ZNF808: variants seen among roughly 807,000 people sequenced by gnomAD.
ZNF808 encodes the protein zinc finger protein 808.
A neutral mutation model predicts 8.7 loss-of-function variants in ZNF808; 5 were observed. The ratio of observed to expected loss-of-function variants is 0.58; its 90% CI spans 0.30 to 1.21. The LOEUF (loss-of-function observed/expected upper bound fraction) is 1.21, where lower values mean the gene tolerates loss of function less well. ZNF808 is among the 50% of genes most tolerant of loss of function. The probability of loss-of-function intolerance (pLI) is 0.07; values close to 1 mark genes in which losing one functional copy is unlikely to be tolerated. For synonymous variants in ZNF808, 380 were observed against 366.0 expected, an observed-to-expected ratio of 1.04 and a Z score of -0.44; for missense variants, 1,103 against 1,098.4, an observed-to-expected ratio of 1.00 and a Z score of -0.06.
chr19:52,530,056 A>G (rs1450206910), intron 1 of ZNF808, among the ~76,000 whole-genome samples: 1 of 151,826 alleles, frequency 6.6e-6, no homozygotes, highest in Non-Finnish European at 1.5e-5. Flanking sequence ...CGTCTGGCCT[A>G]CATAGCCCCC....
At chr19:52,549,707 CTTCCT>C (rs1193643454) in intron 4 of ZNF808, among the ~76,000 whole-genome samples, 2 of 152,048 alleles carry the variant, frequency 1.3e-5, no homozygotes, top group African/African-American at 4.8e-5. Context: ...CACCCTTGCC[CTTCCT>C]TTCCTGGCCT....
chr19:52,551,676 A>G (rs1403563151), intron 4 of ZNF808, among the ~76,000 whole-genome samples: 7 of 152,102 alleles, frequency 4.6e-5, no homozygotes, highest in African/African-American at 1.7e-4. Flanking sequence ...GGTATGTGGT[A>G]TGCAATATAA....
In ZNF808 at chr19:52,555,532, G is replaced by C; in HGVS notation, c.2616G>C (p.Glu872Asp). The C allele has an allele frequency of 6.2e-7, 1 of 1,614,102 alleles. No individual in the cohort carries two copies. The change falls in exon 5 of 5, where the codon GAG becomes GAC. Residue 872 changes from glutamate to aspartate, a missense_variant. Coordinates refer to ENST00000359798, the MANE Select transcript of ZNF808 (RefSeq NM_001039886.4). The part of the protein sequence containing the change: ...LKRHRIIHTG[E>D]KPYKCNECGK... ...GACATAGGATAATTCATACTGGAGA[G>C]AAACCTTACAAGTGTAATGAGTGTG...
intron 3 of ZNF808, among the ~76,000 whole-genome samples, chr19:52,547,113 A>C (rs941941336): frequency 6.6e-6 from 1 of 151,942 alleles, no homozygotes; most frequent in African/African-American, 2.4e-5. Context: ...ATGTCCGTCT[A>C]ATTTTTATAT....
intron 3 of ZNF808, among the ~76,000 whole-genome samples, chr19:52,547,285 C>T (rs577430703): frequency 6.6e-6 from 1 of 152,030 alleles, no homozygotes; most frequent in African/African-American, 2.4e-5. Flanking sequence ...TTTATATTGT[C>T]CATAAAATCG....
At chr19:52,550,007 C>T (rs1198100295) in intron 4 of ZNF808, among the ~76,000 whole-genome samples, 1 of 152,116 alleles carries the variant, frequency 6.6e-6, no homozygotes, top group Non-Finnish European at 1.5e-5. Context: ...TTTGTATCCC[C>T]CTTGATGTAC....
downstream of ZNF808, among the ~76,000 whole-genome samples, chr19:52,560,671 T>A (rs2059853341): frequency 6.6e-6 from 1 of 152,182 alleles, no homozygotes; most frequent in African/African-American, 2.4e-5. Flanking sequence ...CTTGCCCATA[T>A]TGTAATTTGC....
At chr19:52,550,651 A>C (rs1403428592) in intron 4 of ZNF808, among the ~76,000 whole-genome samples, 10 of 151,878 alleles carry the variant, frequency 6.6e-5, no homozygotes, top group African/African-American at 1.7e-4. Flanking sequence ...TCAGGCTCCC[A>C]AGTAGCTGGG....
chr19:52,552,707 T>TTC (rs1555767677), intron 4 of ZNF808, among the ~76,000 whole-genome samples: 1 of 151,722 alleles, frequency 6.6e-6, no homozygotes, highest in South Asian at 2.1e-4. Flanking sequence ...TGTGTGGTTT[T>TTC]TTTTTTTTTT....
At chr19:52,566,273 C>A (rs974819243), downstream of ZNF808, among the ~76,000 whole-genome samples, 1 of 152,050 alleles carries the variant, frequency 6.6e-6, no homozygotes, top group Non-Finnish European at 1.5e-5. Context: ...ACTACGGATT[C>A]TCCTGTCTCA....
In ZNF808 at chr19:52,533,842, C is replaced by CA. The variant is rs1568477951; in HGVS notation, c.-20+833_-20+834insA. 6.3e-3 allele frequency among the ~76,000 whole-genome samples: 346 copies of CA among 55,218 alleles called. 2 individuals carry two copies. The highest frequency in any genetic ancestry group is 0.021 in the East Asian group (40 of 1,878). 36.2% of individuals were successfully genotyped at this position (55,218 alleles called of 152,430 possible). ...TGGGTGACAAAGTGAGACTCCGTCT[C>CA]CAAAAAAAAAAAAAAAAAAAAAAAA... On this transcript the variant is annotated intron_variant, in intron 2 of 4. Transcript: ENST00000359798.
intron 2 of ZNF808, among the ~76,000 whole-genome samples, chr19:52,537,155 C>T (rs1477497471): frequency 1.3e-5 from 2 of 151,020 alleles, no homozygotes; most frequent in Non-Finnish European, 2.9e-5. Context: ...CATTGCACTC[C>T]AGCCTGGGCA....
chr19:52,550,051 T>C (rs531998731), intron 4 of ZNF808, among the ~76,000 whole-genome samples: 1 of 152,288 alleles, frequency 6.6e-6, no homozygotes, highest in South Asian at 2.1e-4. Flanking sequence ...TCTGGTCTGG[T>C]CATTTTCTGT....
chr19:52,547,679 G>A (rs772559145), intron 4 of ZNF808, 41 bp downstream of exon 4: 6 of 1,600,524 alleles, frequency 3.7e-6, no homozygotes, highest in South Asian at 1.1e-5. Context: ...GTCTGCTCCT[G>A]TCTATCTTGG....
intron 1 of ZNF808, 55 bp downstream of exon 1, chr19:52,527,766 CT>C (rs2059522731): frequency 6.5e-6 from 1 of 152,838 alleles, no homozygotes; most frequent in Admixed American, 6.5e-5. Flanking sequence ...CCCGCCGCTT[CT>C]GTCCCTGGGA....
downstream of ZNF808, among the ~76,000 whole-genome samples, chr19:52,561,323 G>A (rs2059857614): frequency 6.7e-6 from 1 of 150,314 alleles, no homozygotes. Context: ...GTTCCATGTT[G>A]GTGTGCTGCA....
At chr19:52,559,568 G>A (rs984723488), downstream of ZNF808, among the ~76,000 whole-genome samples, 2 of 152,008 alleles carry the variant, frequency 1.3e-5, no homozygotes, top group South Asian at 2.1e-4. Context: ...TTCTTTCTCT[G>A]TACTTTGTCT....
chr19:52,537,850 T>C (rs2059628408), intron 2 of ZNF808, among the ~76,000 whole-genome samples: 1 of 152,150 alleles, frequency 6.6e-6, no homozygotes. Flanking sequence ...CTGTGAGCCA[T>C]GTATGTTCTA....
intron 2 of ZNF808, chr19:52,535,913 C>G (rs1432014854): frequency 6.6e-6 from 1 of 152,116 alleles, no homozygotes; most frequent in Admixed American, 6.6e-5. Context: ...GGCAAGGTCT[C>G]TCTGCCTCGC....
Sources: gnomAD v4.1 joint callset for allele counts (sites outside exome capture counted in the v4.1 genomes callset) on GRCh38, gnomAD v4.1.1 for gene constraint, MANE v1.5 for transcripts, NCBI Gene and HGNC (gene_info 2026-07-23, HGNC 2026-07-21) for gene names.